Variants in PTPRD observed in about 807,000 individuals in gnomAD.
The protein encoded by PTPRD is receptor-type tyrosine-protein phosphatase delta.
PTPRD carries 34 observed loss-of-function variants against 214.5 expected under a neutral mutation model. That is an observed-to-expected ratio of 0.16 (90% confidence interval 0.12 to 0.21). The LOEUF (loss-of-function observed/expected upper bound fraction) is 0.21, where lower values mean the gene tolerates loss of function less well. Among genes scored for constraint, PTPRD ranks in the 10% least tolerant of loss-of-function variants. The pLI is 1.00. For synonymous variants in PTPRD, 1,128 were observed against 845.7 expected (o/e 1.33, Z -5.79); for missense variants, 2,545 against 2,398.7 (o/e 1.06, Z -1.27).
At chr9:10,446,409 ATTTTTTTC>A (rs2098799604) in intron 2 of PTPRD, among the ~76,000 whole-genome samples, 1 of 98,688 alleles carries the variant, frequency 1.0e-5, no homozygotes, top group African/African-American at 4.0e-5. Context: ...TATTAAAACT[ATTTTTTTC>A]TTTTTTTTTT....
intron 8 of PTPRD, among the ~76,000 whole-genome samples, chr9:9,558,743 G>T (rs1008112632): frequency 3.9e-5 from 6 of 152,162 alleles, no homozygotes; most frequent in African/African-American, 1.2e-4. Context: ...TATGTTATCA[G>T]TACTAGGCTG....
At chr9:10,182,636 T>A in intron 3 of PTPRD, among the ~76,000 whole-genome samples, 1 of 152,132 alleles carries the variant, frequency 6.6e-6, no homozygotes, top group East Asian at 1.9e-4. Context: ...TATTCTAACA[T>A]ACTAGGAAAT....
chr9:10,082,840 A>ACAAACACACAC (rs1555566891), intron 3 of PTPRD, among the ~76,000 whole-genome samples: 9 of 128,300 alleles, frequency 7.0e-5, no homozygotes, highest in Middle Eastern at 4.0e-3. Flanking sequence ...CACACACACA[A>ACAAACACACAC]ACACACACAC....
intron 12 of PTPRD, among the ~76,000 whole-genome samples, chr9:8,722,923 C>G (rs1326159849): frequency 6.6e-6 from 1 of 152,144 alleles, no homozygotes; most frequent in East Asian, 1.9e-4. Flanking sequence ...TTCAGTTAAG[C>G]TGTTTAGACA....
At chr9:8,588,593 C>G (rs1045746913) in intron 14 of PTPRD, among the ~76,000 whole-genome samples, 1 of 152,092 alleles carries the variant, frequency 6.6e-6, no homozygotes, top group Non-Finnish European at 1.5e-5. Flanking sequence ...AATGTGATAA[C>G]TGTATCAGAA....
In PTPRD at chr9:8,736,998, G is replaced by A. The variant is rs984553449; in HGVS notation, c.-103-3052C>T. On this transcript the variant is annotated intron_variant, in intron 11 of 45. Coordinates refer to ENST00000381196, the MANE Select transcript of PTPRD (RefSeq NM_002839.4). ...AAGTCCAGGAGACATCAGTCCTGTC[G>A]GACTCAATTTGTGTCTGTGCAAGCG... Among the ~76,000 whole-genome samples, 5 of 152,078 alleles carry A rather than the reference G, an allele frequency of 3.3e-5. 1 individual carries two copies. Among genetic ancestry groups the A allele is most frequent in the East Asian group, 1.9e-4 (1 of 5,176 alleles).
chr9:9,497,984 T>C (rs1394105445), intron 8 of PTPRD, among the ~76,000 whole-genome samples: 2 of 152,176 alleles, frequency 1.3e-5, no homozygotes, highest in Non-Finnish European at 2.9e-5. Flanking sequence ...TTTGAATTTC[T>C]ATAAGATGAG....
At chr9:8,983,633 A>T (rs1294048613) in intron 11 of PTPRD, among the ~76,000 whole-genome samples, 4 of 151,682 alleles carry the variant, frequency 2.6e-5, no homozygotes, top group Non-Finnish European at 5.9e-5. Context: ...CTCAGCCTCC[A>T]GGGAAGCTAG....
chr9:9,855,053 T>G (rs759865044), intron 5 of PTPRD, among the ~76,000 whole-genome samples: 12 of 152,216 alleles, frequency 7.9e-5, no homozygotes, highest in Non-Finnish European at 2.9e-5. Context: ...GCTTTCCCCA[T>G]AGCCGATGGT....
At chr9:9,535,002 T>C (rs1261701926) in intron 8 of PTPRD, among the ~76,000 whole-genome samples, 2 of 152,056 alleles carry the variant, frequency 1.3e-5, no homozygotes, top group African/African-American at 2.4e-5. Context: ...ACAGACTAAA[T>C]GTAGACAGCG....
chr9:8,619,984 C>G (rs961285806), intron 14 of PTPRD, among the ~76,000 whole-genome samples: 2 of 152,000 alleles, frequency 1.3e-5, no homozygotes, highest in African/African-American at 4.8e-5. Flanking sequence ...CTCAGCTGCT[C>G]TGAACTTGTA....
At chr9:8,882,216 T>A (rs2098452234) in intron 11 of PTPRD, among the ~76,000 whole-genome samples, 1 of 152,190 alleles carries the variant, frequency 6.6e-6, no homozygotes, top group Non-Finnish European at 1.5e-5. Context: ...AGAGTGGTGT[T>A]CCTTTCATTT....
chr9:10,312,002 G>T (rs2096278942), intron 3 of PTPRD, among the ~76,000 whole-genome samples: 1 of 151,662 alleles, frequency 6.6e-6, no homozygotes, highest in Non-Finnish European at 1.5e-5. Context: ...AATTGCTTGT[G>T]TTTCTCACAC....
intron 11 of PTPRD, among the ~76,000 whole-genome samples, chr9:8,761,280 A>G (rs2094397617): frequency 6.6e-6 from 1 of 152,214 alleles, no homozygotes; most frequent in Non-Finnish European, 1.5e-5. Flanking sequence ...GGTAGCTATA[A>G]AAAGAGACTA....
intron 10 of PTPRD, among the ~76,000 whole-genome samples, chr9:9,082,802 T>C (rs1311249406): frequency 6.6e-6 from 1 of 152,066 alleles, no homozygotes; most frequent in African/African-American, 2.4e-5. Flanking sequence ...CCATTCATAA[T>C]TGCTACAAAA....
chr9:10,523,168 T>C (rs150859075), intron 2 of PTPRD, among the ~76,000 whole-genome samples: 231 of 152,206 alleles, frequency 1.5e-3, no homozygotes, highest in Middle Eastern at 3.4e-3. Flanking sequence ...TTGGGAAATA[T>C]ACATTAAAAT....
chr9:10,188,758 T>C (rs915417757), intron 3 of PTPRD, among the ~76,000 whole-genome samples: 3 of 152,082 alleles, frequency 2.0e-5, no homozygotes, highest in East Asian at 1.9e-4. Context: ...CAGAAGCAAA[T>C]AGGTTGATTA....
At chr9:8,632,377 A>T (rs1187505228) in intron 14 of PTPRD, among the ~76,000 whole-genome samples, 1 of 151,968 alleles carries the variant, frequency 6.6e-6, no homozygotes. Flanking sequence ...AATGTACTTA[A>T]TCTACATAAG....
At chr9:8,474,283 T>A (rs2096718790) in intron 30 of PTPRD, among the ~76,000 whole-genome samples, 1 of 152,116 alleles carries the variant, frequency 6.6e-6, no homozygotes, top group Admixed American at 6.6e-5. Context: ...TCCCCCAGCA[T>A]CTCCTTTCTC....
Sources: allele counts gnomAD v4.1 joint callset (sites outside exome capture counted in the v4.1 genomes callset), GRCh38; gene constraint gnomAD v4.1.1; transcripts MANE v1.5; gene names NCBI Gene and HGNC (gene_info 2026-07-23, HGNC 2026-07-21).